DNM1L: variants seen among roughly 807,000 people sequenced by gnomAD.
DNM1L encodes dynamin-1-like protein.
DNM1L carries 33 observed loss-of-function variants against 92.8 expected under a neutral mutation model. That is an observed-to-expected ratio of 0.36 (90% CI 0.27 to 0.48). The LOEUF is 0.48. Ranked by LOEUF, DNM1L falls within the 20% of genes least tolerant of loss-of-function variation. The probability of loss-of-function intolerance (pLI) is 0.99; values close to 1 mark genes in which losing one functional copy is unlikely to be tolerated. For missense variants in DNM1L, 485 were observed against 888.8 expected (o/e 0.55, Z 5.78); for synonymous variants, 284 against 305.0 (o/e 0.93, Z 0.72).
chr12:32,738,161 A>G (rs549058912), intron 15 of DNM1L, 103 bp from the exon 16 acceptor site: 1 of 1,393,744 alleles, frequency 7.2e-7, no homozygotes, highest in African/African-American at 1.4e-5. Flanking sequence ...GCACACAGAA[A>G]AAGTAATTTA....
At chr12:32,705,935 G>T in intron 2 of DNM1L, 1 of 1,359,898 alleles carries the variant, frequency 7.4e-7, no homozygotes, top group African/African-American at 1.5e-5. Context: ...TACTATTACA[G>T]GCTGTGTGTA....
At chr12:32,695,691 A>AG (rs1952416640) in intron 1 of DNM1L, among the ~76,000 whole-genome samples, 2 of 152,096 alleles carry the variant, frequency 1.3e-5, no homozygotes, top group South Asian at 4.1e-4. Flanking sequence ...GGATCACCTG[A>AG]GCCTGGGAAG....
At chr12:32,694,725 A>C (rs939310938) in intron 1 of DNM1L, among the ~76,000 whole-genome samples, 1 of 152,202 alleles carries the variant, frequency 6.6e-6, no homozygotes, top group Admixed American at 6.5e-5. Flanking sequence ...TTAGTTGACT[A>C]TGTTTCTCTA....
rs762401850 is a variant in DNM1L, at chr12:32,705,827, C to T, written c.251-1540C>T. 17 of 1,597,696 alleles carry T rather than the reference C, an allele frequency of 1.1e-5. No homozygotes were observed. In the Admixed American group the frequency reaches 1.3e-4, roughly 13 times the overall value. On this transcript the variant is annotated intron_variant, in intron 2 of 19. Coordinates refer to ENST00000549701, the MANE Select transcript of DNM1L (RefSeq NM_012062.5). ...GTGCTGTTTCTCTTTAACTACAGAC[C>T]CTGCTACATGGAAAAACTCAAGACA...
In DNM1L at chr12:32,731,180, A is replaced by G; in HGVS notation, c.1200+46A>G. 1 of 1,612,800 alleles carries G rather than the reference A, an allele frequency of 6.2e-7. No homozygotes were observed. The highest frequency in any genetic ancestry group is 1.1e-5 in the South Asian group (1 of 90,864). On this transcript the variant is annotated intron_variant, in intron 10 of 19. Transcript: ENST00000549701. This position sits in a 1 kb window ranked among gnomAD's most constrained non-coding sequence, Gnocchi z 5.1. ...AGACTGTAAAAAAAAATGAGGTTAA[A>G]GTTTTTCTTACCCATATACTGTGTC...
intron 15 of DNM1L, 121 bp from the exon 16 acceptor site, chr12:32,738,143 T>C (rs1305586946): frequency 4.9e-6 from 6 of 1,229,542 alleles, no homozygotes; most frequent in Non-Finnish European, 7.0e-6. Flanking sequence ...GCTTGCAATA[T>C]AGAAGATGCA....
chr12:32,691,242 G>A (rs10771982), intron 1 of DNM1L, among the ~76,000 whole-genome samples: 23,358 of 151,908 alleles, frequency 0.15, 1,894 homozygotes, highest in Middle Eastern at 0.21. Flanking sequence ...CAGCACCCCA[G>A]TAGCCTTGTT....
At chr12:32,706,149 T>A (rs1952918942) in intron 2 of DNM1L, 1 of 296,210 alleles carries the variant, frequency 3.4e-6, no homozygotes, top group South Asian at 7.8e-5. Flanking sequence ...CTTTGGTATG[T>A]AGTACTTGCA....
chr12:32,744,713 C>CAAAA lies in DNM1L; in HGVS notation c.*1312_*1315dup. 3.3e-6 allele frequency: 1 copy of CAAAA among 305,800 alleles called. No homozygotes were observed. Among genetic ancestry groups the CAAAA allele is most frequent in the Non-Finnish European group, 6.2e-6 (1 of 160,354 alleles). 18.9% of individuals were successfully genotyped at this position (305,800 alleles called of 1,614,324 possible). On this transcript the variant is annotated 3_prime_UTR_variant, in exon 20 of 20. Transcript: ENST00000549701. ...TGGCAACAAGAGCGAAACTCCGTCT[C>CAAAA]AAAAAAAAAAAATAAAACAACACCC... is the stretch of plus-strand genomic sequence containing the variant.
intron 14 of DNM1L, chr12:32,737,386 T>G (rs1415075519): frequency 2.7e-6 from 1 of 376,120 alleles, no homozygotes; most frequent in Non-Finnish European, 4.7e-6. Context: ...ATTTAAGCAT[T>G]TATTTAAGCA....
intron 9 of DNM1L, among the ~76,000 whole-genome samples, chr12:32,729,206 C>T (rs1281054186): frequency 1.3e-5 from 2 of 152,002 alleles, no homozygotes; most frequent in Admixed American, 6.5e-5. Context: ...TTCAGCCTCC[C>T]GAGTAGCTGG....
Position 32,731,285 on chromosome 12 carries a change from G to T in DNM1L, c.1201-71G>T, listed in dbSNP as rs1954538082. ...ATTTTTCATGAAAAGTACCAAAAATGTGACTTTCTTAACCCTTGGGAAGAA... is the reference window on the plus strand; with the variant it reads ...ATTTTTCATGAAAAGTACCAAAAATTTGACTTTCTTAACCCTTGGGAAGAA... On this transcript the variant is annotated intron_variant, in intron 10 of 19. Transcript: ENST00000549701. The surrounding 1 kb of genome is among the most constrained non-coding windows in gnomAD (Gnocchi z 5.1). 6.3e-7 allele frequency: 1 copy of T among 1,599,518 alleles called. No homozygotes were observed. The highest frequency in any genetic ancestry group is 8.5e-7 in the Non-Finnish European group (1 of 1,173,248).
chr12:32,737,614 T>C (rs1954983121), intron 14 of DNM1L: 1 of 477,778 alleles, frequency 2.1e-6, no homozygotes, highest in Non-Finnish European at 3.8e-6. Context: ...AAAAGAATCT[T>C]ATTAAATACC....
At chr12:32,712,425 T>G (rs1365028660) in intron 5 of DNM1L, among the ~76,000 whole-genome samples, 1 of 152,124 alleles carries the variant, frequency 6.6e-6, no homozygotes, top group Non-Finnish European at 1.5e-5. Context: ...AAGTGTCAGT[T>G]GTCTCAGTGA....
intron 1 of DNM1L, among the ~76,000 whole-genome samples, chr12:32,698,686 A>G (rs1952569480): frequency 6.7e-6 from 1 of 149,174 alleles, no homozygotes; most frequent in Admixed American, 6.7e-5. Context: ...AGTACAGAAT[A>G]TACTGTATAG....
intron 6 of DNM1L, among the ~76,000 whole-genome samples, chr12:32,715,898 TA>T (rs1693285820): frequency 6.6e-6 from 1 of 152,228 alleles, no homozygotes; most frequent in African/African-American, 2.4e-5. Flanking sequence ...CCTAGGTGTT[TA>T]ACCATGTTAA....
At chr12:32,703,403 T>C (rs1302717296) in intron 2 of DNM1L, among the ~76,000 whole-genome samples, 1 of 152,088 alleles carries the variant, frequency 6.6e-6, no homozygotes, top group Non-Finnish European at 1.5e-5. Context: ...GTACTAGATT[T>C]CACGTGTTTT....
chr12:32,738,654 T>C (rs1359839821), intron 16 of DNM1L, among the ~76,000 whole-genome samples: 2 of 152,196 alleles, frequency 1.3e-5, no homozygotes, highest in Admixed American at 1.3e-4. Context: ...TGCTTCTTTC[T>C]TATGCTTCCA....
chr12:32,720,864 T>A, intron 8 of DNM1L, 69 bp downstream of exon 8: 1 of 1,584,762 alleles, frequency 6.3e-7, no homozygotes. Flanking sequence ...AGGGTTCATT[T>A]TCAGTTCCTT....
Sources: allele counts gnomAD v4.1 joint callset (sites outside exome capture counted in the v4.1 genomes callset), GRCh38; gene constraint gnomAD v4.1.1; non-coding constraint Gnocchi (gnomAD v3.1); transcripts MANE v1.5; gene names NCBI Gene and HGNC (gene_info 2026-07-23, HGNC 2026-07-21).